The following PZP variants were observed in gnomAD, a reference collection of about 807,000 sequenced individuals.
PZP encodes PZP alpha-2-macroglobulin like.
PZP carries 150 observed loss-of-function variants against 179.8 expected under a neutral mutation model. The ratio of observed to expected loss-of-function variants is 0.83; its 90% confidence interval spans 0.73 to 0.96. PZP has a LOEUF of 0.96. Among genes scored for constraint, PZP ranks in the 40% least tolerant of loss-of-function variants. The probability of loss-of-function intolerance (pLI) is 0.00; values close to 1 mark genes in which losing one functional copy is unlikely to be tolerated. For missense variants in PZP, 1,689 were observed against 1,764.0 expected (o/e 0.96, Z 0.76); for synonymous variants, 624 against 652.3 (o/e 0.96, Z 0.66).
chr12:9,182,737 G>C (rs893089403), intron 13 of PZP, among the ~76,000 whole-genome samples: 5 of 152,164 alleles, frequency 3.3e-5, no homozygotes, highest in Admixed American at 6.5e-5. Flanking sequence ...AGCTACAAAA[G>C]GGCAACAACA....
At chr12:9,181,939 A>G in intron 14 of PZP, 36 bp downstream of exon 14, 1 of 1,603,724 alleles carries the variant, frequency 6.2e-7, no homozygotes, top group Non-Finnish European at 8.5e-7. Flanking sequence ...AGTATCATTT[A>G]TTTGTGTTCT....
At chr12:9,175,536 T>C (rs1022925751) in intron 15 of PZP, among the ~76,000 whole-genome samples, 1 of 152,124 alleles carries the variant, frequency 6.6e-6, no homozygotes, top group African/African-American at 2.4e-5. Flanking sequence ...ACTTTAAGAA[T>C]GGGAGAAAAT....
At chr12:9,193,994 A>G in intron 11 of PZP, 83 bp downstream of exon 11, 1 of 1,277,812 alleles carries the variant, frequency 7.8e-7, no homozygotes, top group Non-Finnish European at 1.1e-6. Context: ...CTTACTCTTA[A>G]ATGCAATCTG....
At chr12:9,181,836 T>C in intron 14 of PZP, 139 bp downstream of exon 14, 1 of 804,170 alleles carries the variant, frequency 1.2e-6, no homozygotes, top group Non-Finnish European at 1.9e-6. Context: ...CCCTAGAAAT[T>C]TGGGTCTGCC....
chr12:9,165,107 C>T lies in PZP; in HGVS notation c.2487+32G>A, dbSNP rs1450235990. The T allele has an allele frequency of 1.9e-6, 3 of 1,598,246 alleles. No individual in the cohort carries two copies. In the African/African-American group the frequency reaches 4.0e-5, roughly 21 times the overall value. On this transcript the variant is annotated intron_variant, in intron 19 of 35. Transcript: ENST00000261336. ...TGATCAAAGGAATCTTTTGTTCTACCCACCTTTCCTGTTCACCCTCATTTT... is the reference window on the plus strand; with the variant it reads ...TGATCAAAGGAATCTTTTGTTCTACTCACCTTTCCTGTTCACCCTCATTTT...
chr12:9,207,183 A>C (rs1008033537), intron 1 of PZP, among the ~76,000 whole-genome samples: 1 of 152,112 alleles, frequency 6.6e-6, no homozygotes, highest in Non-Finnish European at 1.5e-5. Context: ...GAGCAGAGGG[A>C]CCCCTTATCC....
At chr12:9,173,361 T>A (rs1367713808) in intron 15 of PZP, among the ~76,000 whole-genome samples, 1 of 152,104 alleles carries the variant, frequency 6.6e-6, no homozygotes, top group Non-Finnish European at 1.5e-5. Flanking sequence ...AGTGCCTGCA[T>A]CTAAAAGCTA....
chr12:9,162,742 C>A, intron 21 of PZP, 94 bp from the exon 22 acceptor site: 1 of 1,005,872 alleles, frequency 9.9e-7, no homozygotes, highest in Non-Finnish European at 1.5e-6. Context: ...AGGGTTTACA[C>A]GAATGATGTT....
chr12:9,185,814 C>CT (rs1555173441), intron 13 of PZP, among the ~76,000 whole-genome samples: 27 of 147,244 alleles, frequency 1.8e-4, no homozygotes, highest in East Asian at 3.9e-4. Flanking sequence ...CTTTTCTTTT[C>CT]TTTTTTTTTT....
intron 4 of PZP, 87 bp downstream of exon 4, chr12:9,202,232 T>C: frequency 8.2e-7 from 1 of 1,216,518 alleles, no homozygotes; most frequent in Non-Finnish European, 1.2e-6. Context: ...TCTTTCATCC[T>C]CTCGCTTTTC....
intron 13 of PZP, among the ~76,000 whole-genome samples, chr12:9,190,105 A>G (rs1486200444): frequency 6.6e-6 from 1 of 152,176 alleles, no homozygotes; most frequent in South Asian, 2.1e-4. Context: ...AGAGCTAAAA[A>G]CAGAACTATC....
At chr12:9,194,760 G>A (rs759115922) in intron 10 of PZP, among the ~76,000 whole-genome samples, 5 of 152,006 alleles carry the variant, frequency 3.3e-5, no homozygotes, top group Admixed American at 1.3e-4. Flanking sequence ...CACCGTGCCC[G>A]GCCAAAGTCA....
At chr12:9,173,594 G>C (rs1232666249) in intron 15 of PZP, among the ~76,000 whole-genome samples, 2 of 151,758 alleles carry the variant, frequency 1.3e-5, no homozygotes, top group African/African-American at 4.8e-5. Context: ...GACTAATAAA[G>C]AAGAAAAAAA....
At chr12:9,176,275 C>A (rs1413898009) in intron 15 of PZP, among the ~76,000 whole-genome samples, 1 of 152,020 alleles carries the variant, frequency 6.6e-6, no homozygotes, top group East Asian at 1.9e-4. Context: ...CATGGGGGAA[C>A]AACACTCACT....
intron 17 of PZP, among the ~76,000 whole-genome samples, chr12:9,168,168 C>A (rs1041554629): frequency 6.6e-6 from 1 of 152,108 alleles, no homozygotes; most frequent in Non-Finnish European, 1.5e-5. Flanking sequence ...CTTGAAGAGC[C>A]ATTAGTCAAA....
chr12:9,185,886 C>A (rs1943081401), intron 13 of PZP, among the ~76,000 whole-genome samples: 1 of 150,342 alleles, frequency 6.7e-6, no homozygotes, highest in African/African-American at 2.5e-5. Context: ...CGGCTCACTG[C>A]AACCCCCACC....
At chr12:9,138,402 A>T in the PZP span, among the ~76,000 whole-genome samples, 3 of 151,580 alleles carry the variant, frequency 2.0e-5, no homozygotes, top group Admixed American at 6.6e-5. Context: ...GTTGGATTCT[A>T]TTTCCTAATA....
At position 9,202,326 on chromosome 12, in the gene PZP, T is replaced by C; in HGVS notation, c.473A>G (p.Asn158Ser). Residue 158 changes from asparagine to serine, a missense_variant, in exon 4 of 36, where the codon AAT (asparagine) becomes AGT (serine). Asn to Ser is a conservative substitution (Grantham distance 46, BLOSUM62 1). Coordinates refer to ENST00000261336, the MANE Select transcript of PZP (RefSeq NM_002864.3). ...VSVDENFRPR[N>S]ELIPLIYLEN... is the part of the protein sequence containing the mutation. ...CAGATAGTGGATGCTTACCAGTTCA[T>C]TTCGAGGGCGAAAATTTTCATCCAC... The C allele has an allele frequency of 4.3e-6, 7 of 1,613,906 alleles. No individual in the cohort carries two copies. Among genetic ancestry groups the C allele is most frequent in the Non-Finnish European group, 5.9e-6 (7 of 1,179,772 alleles).
chr12:9,185,072 A>T (rs2195207), intron 13 of PZP, among the ~76,000 whole-genome samples: 98,171 of 152,082 alleles, frequency 0.65, 31,896 homozygotes, highest in East Asian at 0.76. Context: ...GGTTCTTAAT[A>T]GGGCTGAGAT....
Sources: gnomAD v4.1 joint callset for allele counts (sites outside exome capture counted in the v4.1 genomes callset) on GRCh38, gnomAD v4.1.1 for gene constraint, MANE v1.5 for transcripts, NCBI Gene and HGNC (gene_info 2026-07-23, HGNC 2026-07-21) for gene names.